The following FER1L6 variants were observed in gnomAD, a reference collection of about 807,000 sequenced individuals.
FER1L6 encodes the protein fer-1-like protein 6.
In FER1L6, 177 loss-of-function variants were observed where a neutral mutation model predicts 219.2. That is an observed-to-expected ratio of 0.81 (90% CI 0.71 to 0.91). FER1L6 has a LOEUF of 0.91. Ranked by LOEUF, FER1L6 falls within the 40% of genes least tolerant of loss-of-function variation. The probability of loss-of-function intolerance (pLI) is 0.00; values close to 1 mark genes in which losing one functional copy is unlikely to be tolerated. For synonymous variants in FER1L6, 768 were observed against 824.3 expected (o/e 0.93, Z 1.17); for missense variants, 2,153 against 2,259.9 (o/e 0.95, Z 0.96).
At position 124,029,401 on chromosome 8, in the gene FER1L6, G is replaced by A. The variant is rs1356704537; in HGVS notation, c.2286+5805G>A. 1.3e-5 allele frequency among the ~76,000 whole-genome samples: 2 copies of A among 152,102 alleles called. 1 individual carries two copies. Among genetic ancestry groups the A allele is most frequent in the Admixed American group, 1.3e-4 (2 of 15,242 alleles). On this transcript the variant is annotated intron_variant, in intron 18 of 40. Transcript: ENST00000522917. The stretch of plus-strand genomic sequence containing the variant: ...ACTAATTTACACTTCCACCAACAGT[G>A]TTCCTATTTCTCCATAGCCTTGCCA...
In FER1L6 at chr8:123,918,551, C is replaced by T. The variant is rs551284440; in HGVS notation, c.-7-37441C>T. Among the ~76,000 whole-genome samples, 614 of 152,138 alleles carry T rather than the reference C, an allele frequency of 4.0e-3. 1 individual carries two copies. The highest frequency in any genetic ancestry group is 0.014 in the South Asian group (65 of 4,808). ...TTTAAACTTTAATTTGTATTTGTGTCAGGGGCTATTAAGGGACAAGAGAAG... is the reference window on the plus strand; with the variant it reads ...TTTAAACTTTAATTTGTATTTGTGTTAGGGGCTATTAAGGGACAAGAGAAG... On this transcript the variant is annotated intron_variant, in intron 1 of 40. Transcript: ENST00000522917.
At chr8:123,946,442 C>T (rs1814490731) in intron 1 of FER1L6, among the ~76,000 whole-genome samples, 1 of 152,066 alleles carries the variant, frequency 6.6e-6, no homozygotes. Context: ...TTAGTAGAGA[C>T]AGGGTTTTGC....
intron 32 of FER1L6, among the ~76,000 whole-genome samples, chr8:124,079,078 T>TCATCTCCA (rs974302293): frequency 3.3e-5 from 5 of 152,146 alleles, no homozygotes; most frequent in Non-Finnish European, 5.9e-5. Flanking sequence ...ATATCAGCCT[T>TCATCTCCA]CATCTCCACA....
chr8:123,934,977 T>A (rs1213256688), intron 1 of FER1L6, among the ~76,000 whole-genome samples: 2 of 152,190 alleles, frequency 1.3e-5, no homozygotes, highest in African/African-American at 4.8e-5. Flanking sequence ...TCATGCTTCC[T>A]GTTAAGCCTG....
At chr8:123,872,798 G>C (rs1016293744) in intron 1 of FER1L6, among the ~76,000 whole-genome samples, 1 of 152,166 alleles carries the variant, frequency 6.6e-6, no homozygotes, top group Non-Finnish European at 1.5e-5. Flanking sequence ...TCCTTGACAT[G>C]TGTACGAGGT....
chr8:123,899,253 T>C (rs981607804), intron 1 of FER1L6, among the ~76,000 whole-genome samples: 8 of 152,290 alleles, frequency 5.3e-5, no homozygotes, highest in African/African-American at 1.9e-4. Flanking sequence ...TCCCTGATCA[T>C]TAGTGATTTC....
rs914238490 is a variant in FER1L6 at position 124,068,944 on chromosome 8, TTTTTTTTTCCGAGACGGAG to T, written c.3719-414_3719-396del. On this transcript the variant is annotated intron_variant, in intron 28 of 40. Transcript: ENST00000522917. ...GTCACAAGTTACTATTTCTTTTTTTTTTTTTTTTCCGAGACGGAGTCTTGCTCTGTCGCCCAGGCTGGAG... is the reference window on the plus strand; with the variant it reads ...GTCACAAGTTACTATTTCTTTTTTTTTCTTGCTCTGTCGCCCAGGCTGGAG... Among the ~76,000 whole-genome samples the T allele has an allele frequency of 9.6e-4, 145 of 151,810 alleles. 1 individual carries two copies. The East Asian group carries it at 0.024, about 25-fold the overall frequency.
At position 123,912,825 on chromosome 8, in the gene FER1L6, G is replaced by C. The variant is rs73326324; in HGVS notation, c.-7-43167G>C. On this transcript the variant is annotated intron_variant, in intron 1 of 40. Transcript: ENST00000522917. The stretch of plus-strand genomic sequence containing the variant: ...TCCAAAGGCATAGACATTTAAAATG[G>C]AAAGACTGTTGCCCTAAATCCTCAA... 2.9e-3 allele frequency among the ~76,000 whole-genome samples: 444 copies of C among 152,296 alleles called. 2 individuals are homozygous for C. Among genetic ancestry groups the C allele is most frequent in the African/African-American group, 9.9e-3 (412 of 41,554 alleles).
intron 33 of FER1L6, among the ~76,000 whole-genome samples, chr8:124,089,177 A>G (rs1014043109): frequency 2.0e-5 from 3 of 152,210 alleles, no homozygotes; most frequent in African/African-American, 7.2e-5. Flanking sequence ...TCAGGTTCCA[A>G]CAGCTGGGAT....
rs535754428 is a variant in FER1L6 at position 123,874,180 on chromosome 8, A to G, written c.-8+21995A>G. ...GTTGACTGGTTTTATTTCCATGACTACAAATCTCAAGTGAGCTCTTACTGA... is the reference window on the plus strand; with the variant it reads ...GTTGACTGGTTTTATTTCCATGACTGCAAATCTCAAGTGAGCTCTTACTGA... On this transcript the variant is annotated intron_variant, in intron 1 of 40. Transcript: ENST00000522917. 4.1e-4 allele frequency among the ~76,000 whole-genome samples: 62 copies of G among 152,338 alleles called. 1 individual carries two copies. The South Asian group carries it at 9.5e-3, about 23-fold the overall frequency.
At chr8:124,008,574 G>C (rs1817772453) in intron 13 of FER1L6, among the ~76,000 whole-genome samples, 1 of 152,100 alleles carries the variant, frequency 6.6e-6, no homozygotes, top group African/African-American at 2.4e-5. Context: ...CATTGGCTTA[G>C]GCAAAGATTG....
At chr8:124,009,366 G>A (rs1215731952) in intron 13 of FER1L6, among the ~76,000 whole-genome samples, 1 of 152,156 alleles carries the variant, frequency 6.6e-6, no homozygotes, top group East Asian at 1.9e-4. Flanking sequence ...TGTTTATGAG[G>A]GTCAAGGAGC....
chr8:124,111,029 G>A lies in FER1L6; in HGVS notation c.5289+7720G>A, dbSNP rs115293790. ...CTGGGGTATAGGGTGCTATTCTCTC[G>A]ATGTTTACATTTGAAGGAGATGGTT... On this transcript the variant is annotated intron_variant, in intron 39 of 40. Coordinates refer to ENST00000522917, the MANE Select transcript of FER1L6 (RefSeq NM_001039112.2). This position sits in a 1 kb window ranked among gnomAD's most constrained non-coding sequence, Gnocchi z 5.0. Among the ~76,000 whole-genome samples the A allele has an allele frequency of 1.6e-3, 242 of 151,992 alleles. 1 individual carries two copies. The highest frequency in any genetic ancestry group is 5.4e-3 in the African/African-American group (223 of 41,456).
intron 6 of FER1L6, among the ~76,000 whole-genome samples, chr8:123,971,179 TC>T (rs1815793697): frequency 2.0e-5 from 3 of 152,222 alleles, no homozygotes. Flanking sequence ...TAAAATATGT[TC>T]CCTTTAACTA....
At chr8:124,014,967 A>C (rs1006844561) in intron 15 of FER1L6, among the ~76,000 whole-genome samples, 6 of 152,072 alleles carry the variant, frequency 3.9e-5, no homozygotes, top group African/African-American at 7.2e-5. Context: ...TCACGTGGTT[A>C]TTTGCAGAAT....
intron 37 of FER1L6, among the ~76,000 whole-genome samples, chr8:124,099,131 T>C (rs966332127): frequency 6.6e-6 from 1 of 152,226 alleles, no homozygotes; most frequent in African/African-American, 2.4e-5. Flanking sequence ...AAATAGCTCA[T>C]AGCATTGTCC....
intron 38 of FER1L6, among the ~76,000 whole-genome samples, chr8:124,102,070 A>G (rs1822571398): frequency 6.6e-6 from 1 of 152,218 alleles, no homozygotes; most frequent in African/African-American, 2.4e-5. Context: ...ATGAAGCCTC[A>G]ACGTAACAGA....
intron 31 of FER1L6, 108 bp downstream of exon 31, chr8:124,071,739 C>A: frequency 2.9e-6 from 4 of 1,371,322 alleles, no homozygotes; most frequent in South Asian, 1.4e-5. Context: ...TACTTTCCCA[C>A]AGTTTTGAAT....
At chr8:123,925,179 C>T (rs4472497) in intron 1 of FER1L6, among the ~76,000 whole-genome samples, 30,503 of 152,190 alleles carry the variant, frequency 0.2, 3,870 homozygotes, top group East Asian at 0.44. Context: ...GGACTTCTCT[C>T]TCATGGAATA....
Sources: gnomAD v4.1 joint callset for allele counts (sites outside exome capture counted in the v4.1 genomes callset) on GRCh38, gnomAD v4.1.1 for gene constraint, Gnocchi (gnomAD v3.1) non-coding constraint, MANE v1.5 for transcripts, NCBI Gene and HGNC (gene_info 2026-07-23, HGNC 2026-07-21) for gene names.